SHROOM2: variants seen among roughly 807,000 people sequenced by gnomAD.
SHROOM2 encodes shroom family member 2, also known as protein Shroom2.
In SHROOM2, 33 loss-of-function variants were observed where a neutral mutation model predicts 75.9. The ratio of observed to expected loss-of-function variants is 0.43; its 90% CI spans 0.33 to 0.58. The LOEUF is 0.58. Among genes scored for constraint, SHROOM2 ranks in the 20% least tolerant of loss-of-function variants. The pLI, the probability that SHROOM2 is intolerant of heterozygous loss-of-function variation, is 0.04. For missense variants in SHROOM2, 1,434 were observed against 1,461.2 expected, an observed-to-expected ratio of 0.98 and a Z score of 0.30; for synonymous variants, 655 against 663.6, an observed-to-expected ratio of 0.99 and a Z score of 0.20.
At chrX:9,929,775 C>G (rs151056615) in intron 5 of SHROOM2, among the ~76,000 whole-genome samples, 1,883 of 111,881 alleles carry the variant, frequency 0.017, 34 homozygotes, top group African/African-American at 0.057. Context: ...ACCCAAATCT[C>G]AACTTGAATT....
chrX:9,827,225 T>C (rs1289659720), intron 1 of SHROOM2, among the ~76,000 whole-genome samples: 1 of 85,517 alleles, frequency 1.2e-5, no homozygotes, highest in Non-Finnish European at 2.3e-5. Flanking sequence ...TTCTTTTTCT[T>C]TTTTTTTTTT....
chrX:9,882,326 T>A (rs1286302716), intron 2 of SHROOM2, among the ~76,000 whole-genome samples: 2 of 107,983 alleles, frequency 1.9e-5, no homozygotes, highest in African/African-American at 7.2e-5. Flanking sequence ...GACTGCACAC[T>A]TGAATGTGCT....
intron 1 of SHROOM2, among the ~76,000 whole-genome samples, chrX:9,805,611 C>A (rs1255757959): frequency 8.9e-6 from 1 of 111,984 alleles, no homozygotes; most frequent in Non-Finnish European, 1.9e-5. Context: ...TTGGCAAGTG[C>A]CTGTAATCCC....
At chrX:9,789,792 C>T (rs773920289) in intron 1 of SHROOM2, among the ~76,000 whole-genome samples, 95 of 111,609 alleles carry the variant, frequency 8.5e-4, no homozygotes, top group Non-Finnish European at 1.6e-3. Context: ...TCTTAGAGTC[C>T]GCTCCCTCCC....
chrX:9,873,290 C>T (rs949083425), intron 1 of SHROOM2, among the ~76,000 whole-genome samples: 1 of 112,526 alleles, frequency 8.9e-6, no homozygotes, highest in African/African-American at 3.2e-5. Context: ...AAAGCTATTA[C>T]AAAAACAGTC....
chrX:9,928,244 C>T (rs2084614195), intron 5 of SHROOM2, among the ~76,000 whole-genome samples: 2 of 112,353 alleles, frequency 1.8e-5, no homozygotes, highest in Admixed American at 1.9e-4. Flanking sequence ...CGGCCCTCTC[C>T]CCTCTGGGAA....
At chrX:9,813,555 G>A (rs1336585456) in intron 1 of SHROOM2, among the ~76,000 whole-genome samples, 1 of 111,604 alleles carries the variant, frequency 9.0e-6, no homozygotes, top group Admixed American at 9.6e-5. Flanking sequence ...TAAATTGTTC[G>A]TAATGTAGTG....
At position 9,803,043 on chromosome X, in the gene SHROOM2, C is replaced by T. The variant is rs758511397; in HGVS notation, c.165+16333C>T. 2.8e-5 allele frequency among the ~76,000 whole-genome samples: 3 copies of T among 108,916 alleles called. No individual in the cohort carries two copies. The Admixed American group carries it at 3.0e-4, about 11-fold the overall frequency. 94.6% of individuals were successfully genotyped at this position (108,916 alleles called of 115,157 possible). ...TCCTGGGCTCAAGCAATCCTCCTGC[C>T]TTAGCCCCCTGAGTAGCTGGGACCA... On this transcript the variant is annotated intron_variant, in intron 1 of 9. Coordinates refer to ENST00000380913, the MANE Select transcript of SHROOM2 (RefSeq NM_001649.4).
chrX:9,792,084 T>C (rs1298530403), intron 1 of SHROOM2, among the ~76,000 whole-genome samples: 2 of 12,246 alleles, frequency 1.6e-4, no homozygotes, highest in South Asian at 2.6e-3. Context: ...TAGAATAGAA[T>C]AGAATAGAAT....
intron 1 of SHROOM2, among the ~76,000 whole-genome samples, chrX:9,795,724 C>T (rs1209428719): frequency 9.9e-5 from 5 of 50,335 alleles, no homozygotes; most frequent in African/African-American, 3.3e-4. Context: ...AAGGCTGTAT[C>T]TTTCTCTTTT....
chrX:9,889,331 A>G (rs763692534), intron 2 of SHROOM2, among the ~76,000 whole-genome samples: 58 of 112,258 alleles, frequency 5.2e-4, no homozygotes, highest in Non-Finnish European at 9.0e-4. Context: ...TTTATTGCAT[A>G]ATGTTCTTTA....
At position 9,869,061 on chromosome X, in the gene SHROOM2, A is replaced by G. The variant is rs762783767; in HGVS notation, c.166-4591A>G. Among the ~76,000 whole-genome samples the G allele has an allele frequency of 2.7e-5, 3 of 111,592 alleles. No individual in the cohort carries two copies. In the South Asian group the frequency reaches 1.1e-3, roughly 42 times the overall value. On this transcript the variant is annotated intron_variant, in intron 1 of 9. Transcript: ENST00000380913. ...AACCTCCACCTCTCAGGAGCAAGCAATTCTCATGCCTCAGCTTCCCGAGTA... is the reference window on the plus strand; with the variant it reads ...AACCTCCACCTCTCAGGAGCAAGCAGTTCTCATGCCTCAGCTTCCCGAGTA...
chrX:9,855,431 G>A (rs1223451639), intron 1 of SHROOM2, among the ~76,000 whole-genome samples: 1 of 109,373 alleles, frequency 9.1e-6, no homozygotes, highest in Non-Finnish European at 1.9e-5. Context: ...TGTTACCTAC[G>A]CTTATTTTGT....
intron 5 of SHROOM2, among the ~76,000 whole-genome samples, chrX:9,929,849 C>G (rs910510578): frequency 9.0e-6 from 1 of 111,282 alleles, no homozygotes; most frequent in Non-Finnish European, 1.9e-5. Context: ...AATCATGGGG[C>G]CTGGTCTTTC....
chrX:9,872,954 G>T (rs969422795), intron 1 of SHROOM2, among the ~76,000 whole-genome samples: 2 of 112,449 alleles, frequency 1.8e-5, no homozygotes, highest in African/African-American at 6.5e-5. Context: ...ACCATAAAAA[G>T]AAATGAAGTA....
chrX:9,896,058 G>T lies in SHROOM2; in HGVS notation c.2150G>T (p.Arg717Leu), dbSNP rs756127384. The T allele has an allele frequency of 8.3e-7, 1 of 1,210,724 alleles. No individual in the cohort carries two copies. Among genetic ancestry groups the T allele is most frequent in the Admixed American group, 2.2e-5 (1 of 46,102 alleles). Reference sequence around the variant, plus strand: ...CTATACCCGGAGTCACTGGAACACCGGATGGGGGATCCAGACACTGTCCCC... The same window carrying T: ...CTATACCCGGAGTCACTGGAACACCTGATGGGGGATCCAGACACTGTCCCC... ...GDLYPESLEH[R>L]MGDPDTVPHF... is the part of the protein sequence containing the mutation. The change falls in exon 4 of 10, where the codon CGG (arginine) becomes CTG (leucine). Residue 717 changes from arginine (R) to leucine (L), a missense_variant. Transcript: ENST00000380913.
At position 9,863,864 on chromosome X, in the gene SHROOM2, G is replaced by GATCA. The variant is rs562681065; in HGVS notation, c.166-9785_166-9782dup. Among the ~76,000 whole-genome samples the GATCA allele has an allele frequency of 4.8e-4, 54 of 111,556 alleles. No individual in the cohort carries two copies. In the South Asian group the frequency reaches 0.018, roughly 38 times the overall value. ...TAGAGATTTTATTGATACTTTGGAA[G>GATCA]ATCAATACAAAGCTGTTTCAATGTG... On this transcript the variant is annotated intron_variant, in intron 1 of 9. Transcript: ENST00000380913.
intron 6 of SHROOM2, 152 bp from the exon 7 acceptor site, chrX:9,936,982 A>C: frequency 1.9e-6 from 1 of 522,247 alleles, no homozygotes; most frequent in Non-Finnish European, 3.1e-6. Flanking sequence ...TGCCTCATCC[A>C]GGATGTGGGA....
chrX:9,896,100 G>A lies in SHROOM2; in HGVS notation c.2192G>A (p.Gly731Asp), dbSNP rs1418263156. 1 of 1,209,571 alleles carries A rather than the reference G, an allele frequency of 8.3e-7. No homozygotes were observed. The change falls in exon 4 of 10, where the codon GGC (glycine) becomes GAC (aspartate). Residue 731 changes from glycine (G) to aspartate (D), a missense_variant. By Grantham distance (94) the Gly-to-Asp change is moderately conservative. This residue lies in a region of SHROOM2 where 1,340 missense variants were observed against 1,338.3 expected (regional missense o/e 1.00). Coordinates refer to ENST00000380913, the MANE Select transcript of SHROOM2 (RefSeq NM_001649.4). ...PDTVPHFWEA[G>D]LAQPPSSTSG... The stretch of plus-strand genomic sequence containing the variant: ...ACTGTCCCCCACTTCTGGGAGGCAG[G>A]CCTGGCCCAGCCACCCTCATCTACA...
Sources: allele counts gnomAD v4.1 joint callset (sites outside exome capture counted in the v4.1 genomes callset), GRCh38; gene constraint gnomAD v4.1.1; regional missense constraint gnomAD v4.1.1; transcripts MANE v1.5; gene names NCBI Gene and HGNC (gene_info 2026-07-23, HGNC 2026-07-21).